The following THOC1 variants were observed in gnomAD, a reference collection of about 807,000 sequenced individuals.
THOC1 encodes THO complex subunit 1.
A neutral mutation model predicts 97.3 loss-of-function variants in THOC1; 29 were observed. That is an observed-to-expected ratio of 0.30 (90% CI 0.22 to 0.41). THOC1 has a LOEUF of 0.41. Among genes scored for constraint, THOC1 ranks in the 10% least tolerant of loss-of-function variants. The probability of loss-of-function intolerance (pLI) is 1.00; values close to 1 mark genes in which losing one functional copy is unlikely to be tolerated. For synonymous variants in THOC1, 255 were observed against 257.0 expected (o/e 0.99, Z 0.07); for missense variants, 529 against 761.9 (o/e 0.69, Z 3.60).
chr18:221,753 C>A, intron 17 of THOC1, among the ~76,000 whole-genome samples: 1 of 152,064 alleles, frequency 6.6e-6, no homozygotes, highest in Non-Finnish European at 1.5e-5. Flanking sequence ...AGACTACAGG[C>A]GCCTGCCACC....
intron 11 of THOC1, among the ~76,000 whole-genome samples, chr18:230,021 A>C (rs1306129230): frequency 6.6e-6 from 1 of 152,318 alleles, no homozygotes; most frequent in Non-Finnish European, 1.5e-5. Flanking sequence ...TCTTGTTCCT[A>C]GTCTCCAGCT....
chr18:264,090 T>G lies in THOC1; in HGVS notation c.192A>C (p.Ile64=). ...AAACGTTTTCACATGATGAATGATT[T>G]ATCTACCAACAGAGGAGAAACAATT... The part of the protein sequence containing the change: ...AFRGILEEEI[I]NHSSCENVLA... Residue 64 remains isoleucine (I), a splice_region_variant and synonymous_variant, in exon 4 of 21, where the codon ATA becomes ATC. Transcript: ENST00000261600. The G allele has an allele frequency of 6.2e-7, 1 of 1,609,378 alleles. No homozygotes were observed. The highest frequency in any genetic ancestry group is 8.5e-7 in the Non-Finnish European group (1 of 1,176,790).
At chr18:249,639 G>GT (rs1412687105) in intron 9 of THOC1, among the ~76,000 whole-genome samples, 1 of 150,394 alleles carries the variant, frequency 6.6e-6, no homozygotes, top group East Asian at 1.9e-4. Context: ...TCCAGCCTGG[G>GT]TGACAGAGCG....
At position 246,630 on chromosome 18, in the gene THOC1, TATG is replaced by T. The variant is rs1162361443; in HGVS notation, c.787-178_787-176del. On this transcript the variant is annotated intron_variant, in intron 10 of 20. Coordinates refer to ENST00000261600, the MANE Select transcript of THOC1 (RefSeq NM_005131.3). ...CAGAATGGGAGTTAAAACTATTTTG[TATG>T]ATATTTCACTTGTTGCAAAAGTAGG... 4.6e-5 allele frequency among the ~76,000 whole-genome samples: 7 copies of T among 152,244 alleles called. No individual in the cohort carries two copies. The East Asian group carries it at 1.2e-3, about 25-fold the overall frequency.
chr18:231,989 G>T (rs1226910615), intron 11 of THOC1, among the ~76,000 whole-genome samples: 1 of 152,202 alleles, frequency 6.6e-6, no homozygotes, highest in Non-Finnish European at 1.5e-5. Context: ...AGGCTTTATG[G>T]ACTATATATC....
chr18:216,106 A>G, intron 19 of THOC1: 1 of 167,786 alleles, frequency 6.0e-6, no homozygotes, highest in Non-Finnish European at 1.3e-5. Context: ...GGCACGTGCC[A>G]CCACACCTGG....
intron 11 of THOC1, among the ~76,000 whole-genome samples, chr18:240,580 C>T (rs975788444): frequency 5.3e-5 from 8 of 152,052 alleles, no homozygotes; most frequent in Admixed American, 2.0e-4. Context: ...CTTTACAGGA[C>T]GAGTGAAAGC....
At chr18:228,373 C>A (rs1358420505) in intron 11 of THOC1, among the ~76,000 whole-genome samples, 3 of 151,988 alleles carry the variant, frequency 2.0e-5, no homozygotes, top group Non-Finnish European at 4.4e-5. Flanking sequence ...TAGTCCCATC[C>A]CATTTTATTA....
chr18:238,712 GGTT>G (rs1304618020), intron 11 of THOC1, among the ~76,000 whole-genome samples: 3 of 152,188 alleles, frequency 2.0e-5, no homozygotes, highest in African/African-American at 4.8e-5. Context: ...CCAGTTATGT[GGTT>G]GTTATGTGGT....
chr18:215,295 CCTCA>C lies in THOC1; in HGVS notation c.1678+130_1678+133del, dbSNP rs1352944322. ...TTATTATTAAGCAATGTTTTAAATT[CCTCA>C]CTATGTCAGAAACAGTTGAGATAAA... On this transcript the variant is annotated intron_variant, in intron 20 of 20. Coordinates refer to ENST00000261600, the MANE Select transcript of THOC1 (RefSeq NM_005131.3). 24 of 714,744 alleles carry C rather than the reference CCTCA, an allele frequency of 3.4e-5. No individual in the cohort carries two copies. In the East Asian group the frequency reaches 5.4e-4, roughly 16 times the overall value. 44.3% of individuals were successfully genotyped at this position (714,744 alleles called of 1,614,324 possible). A position where few individuals can be genotyped will look rare whatever the true frequency, so the allele number is the denominator to read the frequency against.
In THOC1 at chr18:218,992, G is replaced by C. The variant is rs375214218; in HGVS notation, c.1371-23C>G. ...TCCCTGAGCGGTACAAAAATAACCA[G>C]TGAGGATGGCATATATTCTTAATAA... On this transcript the variant is annotated intron_variant, in intron 17 of 20. Transcript: ENST00000261600. The C allele has an allele frequency of 1.3e-4, 189 of 1,429,948 alleles. 1 individual carries two copies. The African/African-American group carries it at 2.4e-3, about 18-fold the overall frequency. 88.6% of individuals were successfully genotyped at this position (1,429,948 alleles called of 1,614,324 possible).
intron 17 of THOC1, among the ~76,000 whole-genome samples, chr18:219,486 C>T (rs1234095367): frequency 6.6e-6 from 1 of 151,194 alleles, no homozygotes; most frequent in Non-Finnish European, 1.5e-5. Flanking sequence ...GGCATATACT[C>T]TTAATAATAA....
intron 13 of THOC1, 50 bp downstream of exon 13, chr18:225,287 T>C (rs762548147): frequency 8.1e-6 from 13 of 1,601,802 alleles, no homozygotes; most frequent in Non-Finnish European, 9.4e-6. Context: ...ACAAAGAAAA[T>C]CCTAAATTTC....
At position 226,856 on chromosome 18, in the gene THOC1, G is replaced by C. The variant is rs747576873; in HGVS notation, c.964C>G (p.Leu322Val). Residue 322 changes from leucine (L) to valine (V), a missense_variant, in exon 12 of 21, where the codon CTG (leucine) becomes GTG (valine). Leu to Val is a conservative substitution (Grantham distance 32). Coordinates refer to ENST00000261600, the MANE Select transcript of THOC1 (RefSeq NM_005131.3). ...LSDSNFRRHILLQYLILFQYL... is the reference protein window; with the variant it reads ...LSDSNFRRHIVLQYLILFQYL... The stretch of plus-strand genomic sequence containing the variant: ...TGGAATAAAATGAGATACTGCAACA[G>C]GATGTGTCGACGAAAGTTACTGTCA... 6.2e-7 allele frequency: 1 copy of C among 1,612,120 alleles called. No individual in the cohort carries two copies. The highest frequency in any genetic ancestry group is 8.5e-7 in the Non-Finnish European group (1 of 1,179,160).
intron 17 of THOC1, among the ~76,000 whole-genome samples, chr18:222,621 G>A (rs370830795): frequency 3.9e-5 from 6 of 152,222 alleles, no homozygotes; most frequent in East Asian, 1.9e-4. Flanking sequence ...AGTTGGAAAC[G>A]ATGAGTTAAT....
chr18:244,423 T>C (rs988382085), intron 11 of THOC1: 7 of 152,330 alleles, frequency 4.6e-5, no homozygotes, highest in African/African-American at 1.7e-4. Context: ...GGTCTTTAAA[T>C]AAAAATGTCT....
At chr18:249,464 C>T (rs1249686117) in intron 9 of THOC1, among the ~76,000 whole-genome samples, 2 of 151,996 alleles carry the variant, frequency 1.3e-5, no homozygotes, top group Admixed American at 6.6e-5. Context: ...CAGTTCAAGA[C>T]CAGCCTGACC....
chr18:236,481 G>A (rs77816903), intron 11 of THOC1, among the ~76,000 whole-genome samples: 2 of 83,942 alleles, frequency 2.4e-5, no homozygotes, highest in African/African-American at 4.6e-5. Context: ...TCAGCCTCCC[G>A]AGTAGCTGGG....
chr18:223,942 T>C (rs548556344), intron 16 of THOC1, 142 bp downstream of exon 16: 23 of 664,128 alleles, frequency 3.5e-5, no homozygotes, highest in East Asian at 3.0e-4. Flanking sequence ...ATGGGCAGTA[T>C]AGACAGTGCG....
Sources: allele counts gnomAD v4.1 joint callset (sites outside exome capture counted in the v4.1 genomes callset), GRCh38; gene constraint gnomAD v4.1.1; transcripts MANE v1.5; gene names NCBI Gene and HGNC (gene_info 2026-07-23, HGNC 2026-07-21).